Variants in MVB12B observed in about 807,000 individuals in gnomAD.
The protein encoded by MVB12B is multivesicular body subunit 12B, also known as ESCRT-I complex subunit MVB12B.
MVB12B carries 16 observed loss-of-function variants against 41.6 expected under a neutral mutation model. That is an observed-to-expected ratio of 0.38 (90% CI 0.26 to 0.58). The LOEUF is 0.58. MVB12B is among the 20% of genes least tolerant of loss of function. The pLI, the probability that MVB12B is intolerant of heterozygous loss-of-function variation, is 0.62. For missense variants in MVB12B, 274 were observed against 380.2 expected (o/e 0.72, Z 2.32); for synonymous variants, 133 against 139.7 (o/e 0.95, Z 0.34).
intron 9 of MVB12B, among the ~76,000 whole-genome samples, chr9:126,502,326 T>C (rs763481016): frequency 4.0e-5 from 6 of 150,102 alleles, no homozygotes; most frequent in Non-Finnish European, 7.4e-5. Flanking sequence ...CCCTGCCTTA[T>C]GTTTGGGCAC....
At chr9:126,342,085 T>C (rs1816697922) in intron 2 of MVB12B, among the ~76,000 whole-genome samples, 1 of 152,264 alleles carries the variant, frequency 6.6e-6, no homozygotes, top group African/African-American at 2.4e-5. Context: ...TCATTAGGTA[T>C]GGCTTTGTGC....
At chr9:126,342,141 A>T (rs542046845) in intron 2 of MVB12B, among the ~76,000 whole-genome samples, 4 of 152,356 alleles carry the variant, frequency 2.6e-5, no homozygotes, top group Admixed American at 2.6e-4. Context: ...TGATTTGAGA[A>T]GCCAAAGTGT....
At chr9:126,330,398 T>C (rs938738411) in intron 1 of MVB12B, among the ~76,000 whole-genome samples, 2 of 152,198 alleles carry the variant, frequency 1.3e-5, no homozygotes, top group African/African-American at 4.8e-5. Flanking sequence ...CCTGATCCTT[T>C]AGAAGAGAGA....
chr9:126,342,732 G>A, intron 2 of MVB12B, among the ~76,000 whole-genome samples: 1 of 152,146 alleles, frequency 6.6e-6, no homozygotes, highest in Non-Finnish European at 1.5e-5. Context: ...CCAGAGGTCT[G>A]GCCCCAAGTT....
chr9:126,453,806 A>G (rs538766406), intron 7 of MVB12B, among the ~76,000 whole-genome samples: 34 of 152,280 alleles, frequency 2.2e-4, no homozygotes, highest in African/African-American at 6.7e-4. Flanking sequence ...ACACGTGTGC[A>G]TGCTCACATG....
intron 9 of MVB12B, among the ~76,000 whole-genome samples, chr9:126,502,847 G>A (rs896880526): frequency 4.7e-4 from 71 of 152,342 alleles, no homozygotes; most frequent in Middle Eastern, 3.4e-3. Flanking sequence ...CAGTCAGCAC[G>A]GGCCTGGCAG....
chr9:126,348,951 C>A (rs1331132576), intron 2 of MVB12B, among the ~76,000 whole-genome samples: 2 of 151,952 alleles, frequency 1.3e-5, no homozygotes, highest in Non-Finnish European at 2.9e-5. Context: ...ATGATGTGGC[C>A]AATAAATGAG....
intron 1 of MVB12B, among the ~76,000 whole-genome samples, chr9:126,334,916 A>G (rs1829232680): frequency 6.6e-6 from 1 of 152,232 alleles, no homozygotes; most frequent in South Asian, 2.1e-4. Context: ...CCATTGCACC[A>G]TAAGGGCTGC....
At chr9:126,470,420 C>T (rs896836434) in intron 7 of MVB12B, among the ~76,000 whole-genome samples, 1 of 152,132 alleles carries the variant, frequency 6.6e-6, no homozygotes, top group Admixed American at 6.5e-5. Flanking sequence ...AGCTGCCTTC[C>T]CTCTGTGCTC....
chr9:126,452,788 G>A (rs73668025), intron 7 of MVB12B, among the ~76,000 whole-genome samples: 370 of 152,206 alleles, frequency 2.4e-3, no homozygotes, highest in African/African-American at 8.6e-3. Flanking sequence ...AGGAAGCAGG[G>A]AAGGAAGGGA....
intron 2 of MVB12B, among the ~76,000 whole-genome samples, chr9:126,369,173 T>A (rs1463696939): frequency 2.6e-5 from 4 of 152,170 alleles, no homozygotes; most frequent in East Asian, 1.9e-4. Flanking sequence ...TTTGAAAAAA[T>A]TTTTAATTAA....
chr9:126,335,633 C>G (rs577782650), intron 1 of MVB12B, among the ~76,000 whole-genome samples: 7 of 152,332 alleles, frequency 4.6e-5, no homozygotes, highest in African/African-American at 1.7e-4. Context: ...AGGCAAAGAC[C>G]CTTTCTATGA....
chr9:126,394,066 T>G (rs1389980103), intron 5 of MVB12B, among the ~76,000 whole-genome samples: 1 of 152,242 alleles, frequency 6.6e-6, no homozygotes, highest in Non-Finnish European at 1.5e-5. Flanking sequence ...GAATGCTCTG[T>G]GTCAAGATCA....
intron 6 of MVB12B, among the ~76,000 whole-genome samples, chr9:126,409,370 T>G (rs1312001939): frequency 6.7e-6 from 1 of 149,382 alleles, no homozygotes; most frequent in African/African-American, 2.5e-5. Context: ...TTTACACCAC[T>G]CACAGGCGGT....
intron 6 of MVB12B, chr9:126,396,528 C>G (rs1831117818): frequency 1.0e-6 from 1 of 985,378 alleles, no homozygotes; most frequent in Non-Finnish European, 1.2e-6. Flanking sequence ...AGGAACCGGA[C>G]AGAAGAGTCA....
intron 9 of MVB12B, 65 bp from the exon 10 acceptor site, chr9:126,503,112 G>C: frequency 7.4e-7 from 1 of 1,357,716 alleles, no homozygotes; most frequent in Non-Finnish European, 1.0e-6. Flanking sequence ...ATCTGAGGCT[G>C]TGGAGGGGTT....
intron 7 of MVB12B, among the ~76,000 whole-genome samples, chr9:126,437,018 A>T (rs1832498333): frequency 6.6e-6 from 1 of 152,286 alleles, no homozygotes; most frequent in South Asian, 2.1e-4. Context: ...GAGCTGTCTT[A>T]TGGTACTGTA....
intron 7 of MVB12B, among the ~76,000 whole-genome samples, chr9:126,423,632 T>C (rs180820015): frequency 6.6e-6 from 1 of 152,324 alleles, no homozygotes; most frequent in Non-Finnish European, 1.5e-5. Flanking sequence ...ACCAAATTGC[T>C]CTGCCAGGGT....
intron 6 of MVB12B, among the ~76,000 whole-genome samples, chr9:126,410,941 G>A (rs1209178763): frequency 6.7e-6 from 1 of 149,324 alleles, no homozygotes; most frequent in Non-Finnish European, 1.5e-5. Flanking sequence ...AGGCTGGAGT[G>A]CAATGGCGTG....
Sources: allele counts gnomAD v4.1 joint callset (sites outside exome capture counted in the v4.1 genomes callset), GRCh38; gene constraint gnomAD v4.1.1; transcripts MANE v1.5; gene names NCBI Gene and HGNC (gene_info 2026-07-23, HGNC 2026-07-21).